The following TEK variants were observed in gnomAD, a reference collection of about 807,000 sequenced individuals.
TEK encodes TEK receptor tyrosine kinase, also known as angiopoietin-1 receptor.
Under a neutral mutation model 131.8 loss-of-function variants are expected in TEK, and 43 were observed. That is an observed-to-expected ratio of 0.33 (90% confidence interval 0.26 to 0.42). TEK has a LOEUF of 0.42. TEK is among the 10% of genes least tolerant of loss of function. TEK has a pLI of 1.00. For missense variants in TEK, 1,162 were observed against 1,384.4 expected (o/e 0.84, Z 2.55); for synonymous variants, 580 against 491.6 (o/e 1.18, Z -2.38).
At chr9:27,176,460 C>T (rs1454914934) in intron 6 of TEK, among the ~76,000 whole-genome samples, 1 of 152,184 alleles carries the variant, frequency 6.6e-6, no homozygotes, top group African/African-American at 2.4e-5. Context: ...TTTCAGTAGT[C>T]AGATTTCCTT....
chr9:27,153,710 T>C (rs1344605428), intron 1 of TEK, among the ~76,000 whole-genome samples: 1 of 152,210 alleles, frequency 6.6e-6, no homozygotes, highest in Non-Finnish European at 1.5e-5. Flanking sequence ...GCAGAGAGAT[T>C]GATATTGGTA....
intron 2 of TEK, among the ~76,000 whole-genome samples, chr9:27,168,177 A>G (rs1473639418): frequency 1.3e-5 from 2 of 152,210 alleles, no homozygotes; most frequent in Non-Finnish European, 2.9e-5. Flanking sequence ...TATCTGAGAT[A>G]AGGGATATTC....
At chr9:27,156,116 T>C (rs933882786) in intron 1 of TEK, among the ~76,000 whole-genome samples, 4 of 152,176 alleles carry the variant, frequency 2.6e-5, no homozygotes, top group Non-Finnish European at 5.9e-5. Flanking sequence ...ACTTTCATTT[T>C]TAACCTTATT....
Position 27,220,037 on chromosome 9 carries a change from T to C in TEK, c.3104-12T>C. On this transcript the variant is annotated splice_polypyrimidine_tract_variant and intron_variant, in intron 20 of 22. Transcript: ENST00000380036. Reference sequence around the variant, plus strand: ...CCAGAGAGGACTTAGAGTGGCACTGTTTGTCTTCCAGGAGGCACACCCTAC... The same window carrying C: ...CCAGAGAGGACTTAGAGTGGCACTGCTTGTCTTCCAGGAGGCACACCCTAC... The C allele has an allele frequency of 1.2e-6, 2 of 1,613,796 alleles. No individual in the cohort carries two copies. Among genetic ancestry groups the C allele is most frequent in the Admixed American group, 1.7e-5 (1 of 60,018 alleles).
At chr9:27,227,386 G>T (rs546896100) in intron 21 of TEK, among the ~76,000 whole-genome samples, 2 of 152,296 alleles carry the variant, frequency 1.3e-5, no homozygotes, top group East Asian at 3.9e-4. Context: ...GGAGTTCTGC[G>T]GTCAATTACT....
At chr9:27,185,757 TA>T (rs1362126907) in intron 9 of TEK, 128 bp downstream of exon 9, 10 of 1,235,142 alleles carry the variant, frequency 8.1e-6, no homozygotes, top group Non-Finnish European at 1.2e-5. Flanking sequence ...AGTAAGCCTT[TA>T]AAAAATTATA....
chr9:27,151,918 T>C (rs1823140771), intron 1 of TEK, among the ~76,000 whole-genome samples: 1 of 152,198 alleles, frequency 6.6e-6, no homozygotes, highest in Non-Finnish European at 1.5e-5. Context: ...TCGCAAAATA[T>C]CCTGGATAGT....
At chr9:27,220,506 G>A (rs950243226) in intron 21 of TEK, among the ~76,000 whole-genome samples, 41 of 152,154 alleles carry the variant, frequency 2.7e-4, no homozygotes, top group Non-Finnish European at 4.0e-4. Context: ...ATACATTTTC[G>A]GGCTGGCAAG....
intron 9 of TEK, among the ~76,000 whole-genome samples, chr9:27,188,865 A>G (rs1824699853): frequency 6.6e-6 from 1 of 152,144 alleles, no homozygotes; most frequent in African/African-American, 2.4e-5. Flanking sequence ...ACAGTTCACG[A>G]AAATGCTGAG....
At chr9:27,125,125 A>G (rs1031446610) in intron 1 of TEK, among the ~76,000 whole-genome samples, 21 of 152,350 alleles carry the variant, frequency 1.4e-4, no homozygotes, top group African/African-American at 3.8e-4. Context: ...ACCCAGAGTC[A>G]GCAGTGCTTT....
At chr9:27,111,898 CTTTT>C (rs34064691) in intron 1 of TEK, among the ~76,000 whole-genome samples, 7 of 111,708 alleles carry the variant, frequency 6.3e-5, no homozygotes, top group African/African-American at 6.4e-5. Flanking sequence ...TGTCACTTGA[CTTTT>C]TTTTTTTTTT....
chr9:27,194,016 C>G (rs549910989), intron 11 of TEK, among the ~76,000 whole-genome samples: 121 of 152,294 alleles, frequency 7.9e-4, no homozygotes, highest in Non-Finnish European at 1.4e-3. Context: ...CTTTGTTGCC[C>G]AGGCTGGTCT....
At chr9:27,208,267 T>G (rs907680989) in intron 15 of TEK, among the ~76,000 whole-genome samples, 7 of 152,262 alleles carry the variant, frequency 4.6e-5, no homozygotes, top group African/African-American at 1.7e-4. Flanking sequence ...CCTCATGAGA[T>G]GATTGTCACA....
intron 21 of TEK, among the ~76,000 whole-genome samples, chr9:27,223,595 A>G (rs1466392765): frequency 2.6e-5 from 4 of 152,194 alleles, no homozygotes; most frequent in African/African-American, 7.2e-5. Flanking sequence ...ACATACCAGA[A>G]TCTCTGGGAC....
chr9:27,228,395 G>A, intron 22 of TEK, 90 bp downstream of exon 22: 1 of 1,032,636 alleles, frequency 9.7e-7, no homozygotes, highest in Admixed American at 1.9e-5. Context: ...AATTGAAGAA[G>A]TTCTTCTTGG....
At chr9:27,190,117 A>G (rs564272467) in intron 9 of TEK, among the ~76,000 whole-genome samples, 2 of 152,274 alleles carry the variant, frequency 1.3e-5, no homozygotes, top group African/African-American at 2.4e-5. Context: ...TCCACAATCA[A>G]TCTAAAGAAA....
Position 27,220,098 on chromosome 9 carries a change from G to T in TEK, c.3153G>T (p.Leu1051=), listed in dbSNP as rs377362798. 1.2e-6 allele frequency: 2 copies of T among 1,614,096 alleles called. No homozygotes were observed. The highest frequency in any genetic ancestry group is 1.1e-5 in the South Asian group (1 of 91,076). ...GMTCAELYEK[L]PQGYRLEKPL... The stretch of plus-strand genomic sequence containing the variant: ...CTTGTGCAGAACTCTACGAGAAGCT[G>T]CCCCAGGGCTACAGACTGGAGAAGC... The change falls in exon 21 of 23, where the codon CTG becomes CTT. Residue 1051 remains leucine (L), a synonymous_variant. Transcript: ENST00000380036.
intron 1 of TEK, among the ~76,000 whole-genome samples, chr9:27,138,084 G>C (rs953483109): frequency 1.3e-5 from 2 of 152,086 alleles, no homozygotes; most frequent in African/African-American, 2.4e-5. Context: ...CGGTGGGTTC[G>C]TGGTCTCACT....
chr9:27,158,853 G>A (rs954168212), intron 2 of TEK, among the ~76,000 whole-genome samples: 1 of 152,062 alleles, frequency 6.6e-6, no homozygotes, highest in Non-Finnish European at 1.5e-5. Context: ...TAGAGACAGG[G>A]TGTCACCATA....
Sources: allele counts gnomAD v4.1 joint callset (sites outside exome capture counted in the v4.1 genomes callset), GRCh38; gene constraint gnomAD v4.1.1; transcripts MANE v1.5; gene names NCBI Gene and HGNC (gene_info 2026-07-23, HGNC 2026-07-21).